Variants in SSH2 observed in about 807,000 individuals in gnomAD.
The protein encoded by SSH2 is slingshot protein phosphatase 2, also known as protein phosphatase Slingshot homolog 2.
SSH2 carries 37 observed loss-of-function variants against 135.2 expected under a neutral mutation model. That is an observed-to-expected ratio of 0.27 (90% CI 0.21 to 0.36). SSH2 has a LOEUF of 0.36. Ranked by LOEUF, SSH2 falls within the 10% of genes least tolerant of loss-of-function variation. The pLI, the probability that SSH2 is intolerant of heterozygous loss-of-function variation, is 1.00. For synonymous variants in SSH2, 628 were observed against 646.2 expected, an observed-to-expected ratio of 0.97 and a Z score of 0.43; for missense variants, 1,408 against 1,765.3, an observed-to-expected ratio of 0.80 and a Z score of 3.63.
intron 3 of SSH2, among the ~76,000 whole-genome samples, chr17:29,724,115 T>C (rs1052572972): frequency 2.0e-5 from 3 of 151,830 alleles, no homozygotes; most frequent in Admixed American, 1.3e-4. Context: ...CAGACCAAAT[T>C]ATAATTTAAT....
Position 29,807,888 on chromosome 17 carries a change from A to ATTTC in SSH2, c.145-13952_145-13951insGAAA, listed in dbSNP as rs2042375443. On this transcript the variant is annotated intron_variant, in intron 2 of 15. Transcript: ENST00000540801. ...ACTACAATTTGGAAAGCCAATCGAG[A>ATTTC]AAAGTTAGGTAGTTTTTCCAAAGCC... 2.1e-5 allele frequency among the ~76,000 whole-genome samples: 3 copies of ATTTC among 145,460 alleles called. No individual in the cohort carries two copies. The Admixed American group carries it at 2.1e-4, about 10-fold the overall frequency.
At chr17:29,696,174 TACACACACAC>T (rs199942164) in intron 4 of SSH2, among the ~76,000 whole-genome samples, 8 of 137,124 alleles carry the variant, frequency 5.8e-5, no homozygotes, top group South Asian at 2.4e-4. Context: ...TGTATATATA[TACACACACAC>T]ACACACACAC....
chr17:29,635,437 C>T (rs557380077), intron 15 of SSH2, among the ~76,000 whole-genome samples: 1 of 151,988 alleles, frequency 6.6e-6, no homozygotes, highest in East Asian at 1.9e-4. Context: ...AAGAGTCTTG[C>T]TCTGTCGCCC....
chr17:29,815,328 T>G (rs1456783977), intron 2 of SSH2, among the ~76,000 whole-genome samples: 1 of 152,124 alleles, frequency 6.6e-6, no homozygotes, highest in Non-Finnish European at 1.5e-5. Context: ...TTCACCATGT[T>G]GGCCAGGATG....
intron 3 of SSH2, among the ~76,000 whole-genome samples, chr17:29,774,563 C>G (rs1020730543): frequency 6.6e-6 from 1 of 152,046 alleles, no homozygotes; most frequent in Non-Finnish European, 1.5e-5. Context: ...CTGCACCCAG[C>G]TTATTAATTT....
rs542835758 is a variant in SSH2 at position 29,914,255 on chromosome 17, C to T, written c.63+15683G>A. Among the ~76,000 whole-genome samples the T allele has an allele frequency of 3.3e-5, 5 of 152,190 alleles. No homozygotes were observed. In the South Asian group the frequency reaches 1.0e-3, roughly 32 times the overall value. On this transcript the variant is annotated intron_variant, in intron 1 of 15. Coordinates refer to ENST00000540801, the MANE Select transcript of SSH2 (RefSeq NM_001282129.2). ...CAGTTTCAAGAAATGACACACCTAT[C>T]TCGACTGCCAAAAGACTATTTCTGG...
chr17:29,685,191 C>T (rs1042569377), intron 5 of SSH2, among the ~76,000 whole-genome samples: 4 of 152,182 alleles, frequency 2.6e-5, no homozygotes, highest in East Asian at 3.9e-4. Flanking sequence ...TCTTCAGTTT[C>T]GATGATAATG....
chr17:29,852,973 C>T lies in SSH2; in HGVS notation c.64-4044G>A, dbSNP rs181714213. Among the ~76,000 whole-genome samples the T allele has an allele frequency of 3.9e-4, 60 of 151,942 alleles. 1 individual carries two copies. Among genetic ancestry groups the T allele is most frequent in the Admixed American group, 8.5e-4 (13 of 15,242 alleles). On this transcript the variant is annotated intron_variant, in intron 1 of 15. Transcript: ENST00000540801. ...ATTAATATTTAGGACCTCTACTAAA[C>T]TACACAATTATTTAAATAGATGCTA...
intron 3 of SSH2, chr17:29,787,849 A>C (rs545915387): frequency 1.3e-5 from 2 of 151,956 alleles, no homozygotes; most frequent in South Asian, 4.2e-4. Flanking sequence ...TTCCCACCTC[A>C]ACATTCTGAG....
At chr17:29,817,289 T>C (rs1202292207) in intron 2 of SSH2, among the ~76,000 whole-genome samples, 1 of 152,228 alleles carries the variant, frequency 6.6e-6, no homozygotes, top group Admixed American at 6.5e-5. Flanking sequence ...GGCTCCCATA[T>C]ACCTTACCCT....
At chr17:29,674,047 G>C (rs1567864524) in intron 8 of SSH2, 1 of 456,416 alleles carries the variant, frequency 2.2e-6, no homozygotes, top group Non-Finnish European at 4.4e-6. Flanking sequence ...CTAGGACAAA[G>C]ATCATGCAAA....
At chr17:29,893,737 T>C (rs1301544946) in intron 1 of SSH2, among the ~76,000 whole-genome samples, 9 of 152,182 alleles carry the variant, frequency 5.9e-5, no homozygotes, top group Non-Finnish European at 1.0e-4. Flanking sequence ...AGTATTTTTC[T>C]TTACTACAGA....
Position 29,793,910 on chromosome 17 carries a change from G to C in SSH2, c.172C>G (p.Arg58Gly), listed in dbSNP as rs771318109. Residue 58 changes from arginine (R) to glycine (G), a missense_variant, in exon 3 of 16, where the codon CGG becomes GGG. This residue lies in a region of SSH2 where 222 missense variants were observed against 355.6 expected (regional missense o/e 0.62). Coordinates refer to ENST00000540801, the MANE Select transcript of SSH2 (RefSeq NM_001282129.2). ...CAAACATACCTCCTGGGCTGTGACCGGCATTCTTCCTCCCCACTGTCTGCC... is the reference window on the plus strand; with the variant it reads ...CAAACATACCTCCTGGGCTGTGACCCGCATTCTTCCTCCCCACTGTCTGCC... The part of the protein sequence containing the change: ...NEADSGEEEC[R>G]SQPRSISESF... 3 of 1,613,314 alleles carry C rather than the reference G, an allele frequency of 1.9e-6. No individual in the cohort carries two copies. In the East Asian group the frequency reaches 6.7e-5, roughly 36 times the overall value.
chr17:29,925,470 C>A (rs2067047946), intron 1 of SSH2: 1 of 398,300 alleles, frequency 2.5e-6, no homozygotes, highest in South Asian at 1.3e-4. Context: ...AATCCCAATT[C>A]TTTAGGAGGC....
At chr17:29,826,769 T>C (rs939169746) in intron 2 of SSH2, among the ~76,000 whole-genome samples, 1 of 152,188 alleles carries the variant, frequency 6.6e-6, no homozygotes, top group Non-Finnish European at 1.5e-5. Context: ...GCTTGGGTCA[T>C]GTGCCACCAT....
intron 3 of SSH2, among the ~76,000 whole-genome samples, chr17:29,763,813 CTGTCAG>C (rs1288232177): frequency 3.3e-5 from 5 of 152,166 alleles, no homozygotes; most frequent in Admixed American, 2.6e-4. Context: ...CAGAAGACCT[CTGTCAG>C]TGTCTGTTCA....
At chr17:29,637,408 C>G (rs1328705813) in intron 14 of SSH2, among the ~76,000 whole-genome samples, 1 of 152,152 alleles carries the variant, frequency 6.6e-6, no homozygotes, top group Non-Finnish European at 1.5e-5. Context: ...CTGGCAATAG[C>G]TCTCCAAATT....
At chr17:29,864,668 G>T (rs2065824436) in intron 1 of SSH2, among the ~76,000 whole-genome samples, 1 of 143,826 alleles carries the variant, frequency 7.0e-6, no homozygotes, top group Admixed American at 7.0e-5. Context: ...AAGAAACAAC[G>T]CTGTCATCTC....
chr17:29,777,447 A>G (rs967873553), intron 3 of SSH2, among the ~76,000 whole-genome samples: 2 of 152,190 alleles, frequency 1.3e-5, no homozygotes, highest in Non-Finnish European at 2.9e-5. Context: ...TTACTTATAA[A>G]GTGTTATTCA....
Sources: allele counts gnomAD v4.1 joint callset (sites outside exome capture counted in the v4.1 genomes callset), GRCh38; gene constraint gnomAD v4.1.1; regional missense constraint gnomAD v4.1.1; transcripts MANE v1.5; gene names NCBI Gene and HGNC (gene_info 2026-07-23, HGNC 2026-07-21).